The following BCKDHB variants were observed in gnomAD, a reference collection of about 807,000 sequenced individuals.
BCKDHB encodes branched chain keto acid dehydrogenase E1 subunit beta.
A neutral mutation model predicts 48.5 loss-of-function variants in BCKDHB; 41 were observed. The ratio of observed to expected loss-of-function variants is 0.85; its 90% CI spans 0.66 to 1.10. BCKDHB has a LOEUF of 1.10. Among genes scored for constraint, BCKDHB ranks in the 50% least tolerant of loss-of-function variants. The pLI, the probability that BCKDHB is intolerant of heterozygous loss-of-function variation, is 0.00. For synonymous variants in BCKDHB, 201 were observed against 174.8 expected (o/e 1.15, Z -1.18); for missense variants, 496 against 494.2 (o/e 1.00, Z -0.03).
chr6:80,182,272 A>G (rs3805922), intron 6 of BCKDHB, among the ~76,000 whole-genome samples: 55,197 of 152,060 alleles, frequency 0.36, 11,952 homozygotes, highest in East Asian at 0.56. Flanking sequence ...TGACAGTGCA[A>G]TTGCCTTTGA....
At position 80,180,027 on chromosome 6, in the gene BCKDHB, A is replaced by G. The variant is rs75083253; in HGVS notation, c.742+8637A>G. ...CTCCATCATTTCTGGGCCTGTGCTC[A>G]TAAACTGCTCTCTGTGCAAACCTCT... On this transcript the variant is annotated intron_variant, in intron 6 of 9. Coordinates refer to ENST00000320393, the MANE Select transcript of BCKDHB (RefSeq NM_183050.4). 9.3e-3 allele frequency among the ~76,000 whole-genome samples: 1,420 copies of G among 152,302 alleles called. 30 individuals carry two copies. The highest frequency in any genetic ancestry group is 0.033 in the African/African-American group (1,351 of 41,558).
chr6:80,433,454 A>G, the BCKDHB span, among the ~76,000 whole-genome samples: 1 of 152,062 alleles, frequency 6.6e-6, no homozygotes, highest in South Asian at 2.1e-4. Flanking sequence ...CTTTGTTTAT[A>G]CTGTAAGGGG....
intron 6 of BCKDHB, among the ~76,000 whole-genome samples, chr6:80,199,800 C>A (rs1456675850): frequency 4.0e-5 from 5 of 123,524 alleles, no homozygotes; most frequent in South Asian, 2.6e-4. Flanking sequence ...AAAAAAAAGG[C>A]CGGGCACATG....
At chr6:80,288,806 G>T (rs73463560) in intron 9 of BCKDHB, among the ~76,000 whole-genome samples, 11,944 of 151,886 alleles carry the variant, frequency 0.079, 662 homozygotes, top group South Asian at 0.24. Flanking sequence ...CTGTGAAAAT[G>T]CCCAGCCTTT....
At chr6:80,108,770 G>C (rs1264501647) in intron 1 of BCKDHB, among the ~76,000 whole-genome samples, 2 of 152,060 alleles carry the variant, frequency 1.3e-5, no homozygotes, top group Non-Finnish European at 2.9e-5. Flanking sequence ...TGAGGGAGGA[G>C]AATCGCTTGA....
intron 6 of BCKDHB, among the ~76,000 whole-genome samples, chr6:80,187,698 A>G (rs1447723460): frequency 2.0e-5 from 3 of 152,164 alleles, no homozygotes; most frequent in Admixed American, 6.5e-5. Context: ...AAGAAAGACA[A>G]TCATGTAGCC....
intron 3 of BCKDHB, among the ~76,000 whole-genome samples, chr6:80,152,517 A>G (rs1340807678): frequency 6.6e-6 from 1 of 152,186 alleles, no homozygotes; most frequent in Admixed American, 6.5e-5. Flanking sequence ...TTAACTGGTT[A>G]TGTAGTCATA....
the BCKDHB span, among the ~76,000 whole-genome samples, chr6:80,442,160 C>T: frequency 6.6e-6 from 1 of 152,074 alleles, no homozygotes; most frequent in Non-Finnish European, 1.5e-5. Flanking sequence ...CACAGATATA[C>T]CACACAATGA....
chr6:80,119,567 C>A (rs1364392529), intron 1 of BCKDHB, among the ~76,000 whole-genome samples: 1 of 151,784 alleles, frequency 6.6e-6, no homozygotes, highest in Non-Finnish European at 1.5e-5. Flanking sequence ...GTGATCCGCA[C>A]CCCCCTTGGC....
chr6:80,268,780 A>G (rs1334566005), intron 8 of BCKDHB, among the ~76,000 whole-genome samples: 3 of 152,130 alleles, frequency 2.0e-5, no homozygotes, highest in Admixed American at 6.6e-5. Context: ...TAAAGGCTAT[A>G]TTCACTAAAA....
chr6:80,310,429 A>G (rs1170876762), intron 9 of BCKDHB, among the ~76,000 whole-genome samples: 1 of 152,180 alleles, frequency 6.6e-6, no homozygotes, highest in Non-Finnish European at 1.5e-5. Context: ...AAAGGACATG[A>G]TCTTGTTCTG....
In BCKDHB at chr6:80,258,699, A is replaced by G. The variant is rs147301365; in HGVS notation, c.952-14436A>G. On this transcript the variant is annotated intron_variant, in intron 8 of 9. Coordinates refer to ENST00000320393, the MANE Select transcript of BCKDHB (RefSeq NM_183050.4). ...GTGATCCTGATGAGGGGAGTAGACAATGCAAGGTGTGTACATGTATTCCTT... is the reference window on the plus strand; with the variant it reads ...GTGATCCTGATGAGGGGAGTAGACAGTGCAAGGTGTGTACATGTATTCCTT... Among the ~76,000 whole-genome samples, 245 of 152,208 alleles carry G rather than the reference A, an allele frequency of 1.6e-3. 3 individuals carry two copies. Among genetic ancestry groups the G allele is most frequent in the African/African-American group, 5.6e-3 (233 of 41,540 alleles).
the BCKDHB span, among the ~76,000 whole-genome samples, chr6:80,372,071 C>A: frequency 2.0e-5 from 3 of 151,934 alleles, no homozygotes; most frequent in African/African-American, 7.3e-5. Flanking sequence ...TTTCTTTTGG[C>A]AGTATGGTCA....
chr6:80,247,352 T>C (rs987644664), intron 8 of BCKDHB, among the ~76,000 whole-genome samples: 3 of 152,238 alleles, frequency 2.0e-5, no homozygotes, highest in Admixed American at 1.3e-4. Context: ...TATTATCCTG[T>C]TAAATCTTAT....
intron 6 of BCKDHB, among the ~76,000 whole-genome samples, chr6:80,174,510 C>T (rs1048056248): frequency 1.3e-5 from 2 of 152,042 alleles, no homozygotes; most frequent in African/African-American, 2.4e-5. Flanking sequence ...CTTTCATAGG[C>T]CATGAATGGT....
chr6:80,446,902 T>C, the BCKDHB span, among the ~76,000 whole-genome samples: 8 of 152,002 alleles, frequency 5.3e-5, no homozygotes, highest in African/African-American at 1.9e-4. Flanking sequence ...GGAATGTTTC[T>C]GGTTGGAGAT....
At chr6:80,195,001 G>A (rs1040817307) in intron 6 of BCKDHB, among the ~76,000 whole-genome samples, 4 of 152,134 alleles carry the variant, frequency 2.6e-5, no homozygotes, top group Non-Finnish European at 5.9e-5. Context: ...TTGGGACACT[G>A]AGACTTATTA....
chr6:80,129,763 T>G (rs550391295), intron 3 of BCKDHB, among the ~76,000 whole-genome samples: 5 of 152,284 alleles, frequency 3.3e-5, no homozygotes, highest in African/African-American at 1.2e-4. Flanking sequence ...GAGGCTGAAT[T>G]TCTTTTTGCT....
chr6:80,154,026 C>CACG (rs750612658), intron 3 of BCKDHB, among the ~76,000 whole-genome samples: 12 of 152,132 alleles, frequency 7.9e-5, no homozygotes, highest in Non-Finnish European at 1.2e-4. Context: ...TGCCTTTGGT[C>CACG]ACACTTTACC....
Sources: allele counts gnomAD v4.1 joint callset (sites outside exome capture counted in the v4.1 genomes callset), GRCh38; gene constraint gnomAD v4.1.1; transcripts MANE v1.5; gene names NCBI Gene and HGNC (gene_info 2026-07-23, HGNC 2026-07-21).